Variants in LSM12 observed in about 807,000 individuals in gnomAD.
LSM12 encodes protein LSM12.
For synonymous variants in LSM12, 74 were observed against 87.3 expected (o/e 0.85, Z 0.85); for missense variants, 108 against 238.9 (o/e 0.45, Z 3.61).
Position 44,064,029 on chromosome 17 carries a change from T to C in LSM12, c.125-95A>G, listed in dbSNP as rs540412095. On this transcript the variant is annotated intron_variant, in intron 1 of 4. Transcript: ENST00000293406. ...TAGAAAACACGATTCACACAAGGCT[T>C]GTAAAAGGCAGGCCAGGAGCATGAG... 2.7e-3 allele frequency: 3,870 copies of C among 1,422,436 alleles called. 11 individuals carry two copies. Among genetic ancestry groups the C allele is most frequent in the Non-Finnish European group, 3.6e-3 (3,738 of 1,042,338 alleles). 88.1% of individuals were successfully genotyped at this position (1,422,436 alleles called of 1,614,324 possible).
chr17:44,066,364 T>TAGGCCCGGAGAG (rs1292282354), intron 1 of LSM12, 100 bp downstream of exon 1: 1 of 1,446,008 alleles, frequency 6.9e-7, no homozygotes, highest in Non-Finnish European at 9.2e-7. Context: ...CGGTCGCCCC[T>TAGGCCCGGAGAG]AGGCCCGGAG....
chr17:44,041,282 A>AC (rs779374869), intron 2 of LSM12, among the ~76,000 whole-genome samples: 171 of 130,302 alleles, frequency 1.3e-3, no homozygotes, highest in Non-Finnish European at 2.3e-3. Context: ...TTAAAAAAAA[A>AC]AAAAACAAAC....
At chr17:44,054,429 C>T (rs1423004098) in intron 2 of LSM12, among the ~76,000 whole-genome samples, 1 of 152,118 alleles carries the variant, frequency 6.6e-6, no homozygotes, top group Non-Finnish European at 1.5e-5. Flanking sequence ...CCTCCCATCT[C>T]AGTCTCCAAA....
chr17:44,039,355 A>G (rs999745763), intron 3 of LSM12, among the ~76,000 whole-genome samples: 6 of 133,890 alleles, frequency 4.5e-5, no homozygotes, highest in Non-Finnish European at 8.0e-5. Flanking sequence ...GTGCCCGACC[A>G]ACAAAATGTC....
rs189657150 is a variant in LSM12 at position 44,044,022 on chromosome 17, C to T, written c.259-3766G>A. On this transcript the variant is annotated intron_variant, in intron 2 of 4. Coordinates refer to ENST00000293406, the MANE Select transcript of LSM12 (RefSeq NM_001371445.1). Reference sequence around the variant, plus strand: ...GTCAGAGAAAGCTGCTTCTATAAAGCTTGTGTTGACTAGATAGTCTGAACG... The same window carrying T: ...GTCAGAGAAAGCTGCTTCTATAAAGTTTGTGTTGACTAGATAGTCTGAACG... 3.0e-3 allele frequency among the ~76,000 whole-genome samples: 451 copies of T among 152,182 alleles called. 2 individuals carry two copies. Among genetic ancestry groups the T allele is most frequent in the Admixed American group, 6.9e-3 (106 of 15,260 alleles).
chr17:44,055,305 T>G lies in LSM12; in HGVS notation c.258+8496A>C, dbSNP rs1293894702. ...CTAGTAAAGTATACATAGCTAAACATAGGCTGGCCAGGCCATCTCTGACTT... is the reference window on the plus strand; with the variant it reads ...CTAGTAAAGTATACATAGCTAAACAGAGGCTGGCCAGGCCATCTCTGACTT... On this transcript the variant is annotated intron_variant, in intron 2 of 4. Coordinates refer to ENST00000293406, the MANE Select transcript of LSM12 (RefSeq NM_001371445.1). Among the ~76,000 whole-genome samples, 6 of 151,842 alleles carry G rather than the reference T, an allele frequency of 4.0e-5. No homozygotes were observed. In the East Asian group the frequency reaches 1.2e-3, roughly 29 times the overall value.
At chr17:44,049,267 T>C (rs550366501) in intron 2 of LSM12, among the ~76,000 whole-genome samples, 1 of 152,104 alleles carries the variant, frequency 6.6e-6, no homozygotes, top group South Asian at 2.1e-4. Flanking sequence ...TGGGTAACCC[T>C]TATTTTTGTT....
At position 44,044,613 on chromosome 17, in the gene LSM12, A is replaced by C. The variant is rs932664061; in HGVS notation, c.259-4357T>G. On this transcript the variant is annotated intron_variant, in intron 2 of 4. Transcript: ENST00000293406. ...ATCTGCTTTTACCAGGAAGCTGTAC[A>C]AATGGGATAAAATCTCCTAGAGAGG... Among the ~76,000 whole-genome samples, 8 of 152,332 alleles carry C rather than the reference A, an allele frequency of 5.3e-5. No homozygotes were observed. The South Asian group carries it at 1.7e-3, about 32-fold the overall frequency.
chr17:44,040,644 C>CAG (rs1454465590), intron 2 of LSM12, among the ~76,000 whole-genome samples: 1 of 151,828 alleles, frequency 6.6e-6, no homozygotes, highest in Non-Finnish European at 1.5e-5. Context: ...GGCTGGGGGA[C>CAG]TATGTGATGG....
At chr17:44,051,302 A>T (rs1597890914) in intron 2 of LSM12, among the ~76,000 whole-genome samples, 1 of 150,876 alleles carries the variant, frequency 6.6e-6, no homozygotes, top group South Asian at 2.1e-4. Flanking sequence ...GAGGCAGGAG[A>T]ATCGCTTGAA....
intron 2 of LSM12, among the ~76,000 whole-genome samples, chr17:44,059,888 G>A (rs1423354100): frequency 6.6e-6 from 1 of 152,170 alleles, no homozygotes; most frequent in Non-Finnish European, 1.5e-5. Context: ...GAGTAGGCCG[G>A]GTGTGGTGGC....
chr17:44,047,356 C>G (rs1472445167), intron 2 of LSM12, among the ~76,000 whole-genome samples: 2 of 151,960 alleles, frequency 1.3e-5, no homozygotes. Flanking sequence ...AAGCAATTCT[C>G]CTGCCTCAGC....
intron 1 of LSM12, 134 bp downstream of exon 1, chr17:44,066,330 A>G: frequency 1.7e-6 from 2 of 1,201,386 alleles, no homozygotes; most frequent in Non-Finnish European, 1.1e-6. Context: ...GGCCGTGCGC[A>G]TGCGCCCCGG....
chr17:44,061,077 G>A (rs1274622946), intron 2 of LSM12, among the ~76,000 whole-genome samples: 2 of 152,160 alleles, frequency 1.3e-5, no homozygotes, highest in African/African-American at 2.4e-5. Context: ...CAGCACTTTG[G>A]GAGGCTGAGG....
At chr17:44,066,311 G>A (rs1269883918) in intron 1 of LSM12, among the ~76,000 whole-genome samples, 153 bp downstream of exon 1, 3 of 152,194 alleles carry the variant, frequency 2.0e-5, no homozygotes, top group African/African-American at 7.2e-5. Context: ...GAGGGGGAGG[G>A]GAGCTCAGGG....
chr17:44,038,966 TG>T (rs1234810675), intron 3 of LSM12, among the ~76,000 whole-genome samples: 8 of 147,346 alleles, frequency 5.4e-5, no homozygotes, highest in Non-Finnish European at 1.0e-4. Context: ...CAGTGTGGGG[TG>T]GGGGGAGGCG....
At chr17:44,065,145 CA>C (rs143594392) in intron 1 of LSM12, among the ~76,000 whole-genome samples, 15 of 133,896 alleles carry the variant, frequency 1.1e-4, no homozygotes, top group African/African-American at 2.2e-4. Flanking sequence ...AAAAACACAA[CA>C]AAAAAAAAAG....
chr17:44,037,336 C>T, intron 4 of LSM12, 76 bp downstream of exon 4: 3 of 1,487,160 alleles, frequency 2.0e-6, no homozygotes, highest in Non-Finnish European at 2.7e-6. Flanking sequence ...AGCACAATGT[C>T]CTGGTCTGGT....
intron 2 of LSM12, among the ~76,000 whole-genome samples, chr17:44,042,709 C>T (rs1249685676): frequency 2.0e-5 from 3 of 152,068 alleles, no homozygotes; most frequent in Admixed American, 1.3e-4. Context: ...GGACTACAGG[C>T]GCCTGCCACC....
Sources: allele counts gnomAD v4.1 joint callset (sites outside exome capture counted in the v4.1 genomes callset), GRCh38; gene constraint gnomAD v4.1.1; transcripts MANE v1.5; gene names NCBI Gene and HGNC (gene_info 2026-07-23, HGNC 2026-07-21).